The following CR2 variants were observed in gnomAD, a reference collection of about 807,000 sequenced individuals.
CR2 encodes complement receptor type 2.
CR2 carries 96 observed loss-of-function variants against 123.0 expected under a neutral mutation model. That is an observed-to-expected ratio of 0.78 (90% CI 0.66 to 0.93). The LOEUF is 0.93. Among genes scored for constraint, CR2 ranks in the 40% least tolerant of loss-of-function variants. The probability of loss-of-function intolerance (pLI) is 0.00; values close to 1 mark genes in which losing one functional copy is unlikely to be tolerated. For missense variants in CR2, 1,258 were observed against 1,361.0 expected (o/e 0.92, Z 1.19); for synonymous variants, 484 against 469.5 (o/e 1.03, Z -0.40).
chr1:207,456,169 G>A (rs311303), intron 1 of CR2, among the ~76,000 whole-genome samples: 99,602 of 151,968 alleles, frequency 0.66, 33,687 homozygotes, highest in East Asian at 0.89. Context: ...TTTGGAATGG[G>A]ATCTCACCGA....
chr1:207,479,512 T>C (rs1349722381), intron 17 of CR2, among the ~76,000 whole-genome samples: 2 of 152,254 alleles, frequency 1.3e-5, no homozygotes, highest in Admixed American at 1.3e-4. Context: ...ATTGATATTT[T>C]AGTTTTTATT....
chr1:207,488,101 A>G (rs61821134), intron 19 of CR2, among the ~76,000 whole-genome samples: 9,447 of 152,280 alleles, frequency 0.062, 357 homozygotes, highest in Non-Finnish European at 0.092. Context: ...GAAAGTGGGG[A>G]TGAACATTTG....
chr1:207,462,477 T>TA (rs1300647165), intron 1 of CR2, among the ~76,000 whole-genome samples: 2 of 152,214 alleles, frequency 1.3e-5, no homozygotes, highest in South Asian at 2.1e-4. Context: ...AGCTTACTTG[T>TA]AAAAAAATAT....
intron 1 of CR2, among the ~76,000 whole-genome samples, chr1:207,466,104 T>A (rs1409599174): frequency 1.3e-5 from 2 of 152,192 alleles, no homozygotes; most frequent in Admixed American, 6.5e-5. Context: ...AGAGTAAGAC[T>A]TGCCTGAGGT....
chr1:207,466,824 A>G lies in CR2; in HGVS notation c.357A>G (p.Lys119=), dbSNP rs769241648. The change falls in exon 2 of 20, where the codon AAA becomes AAG. Residue 119 remains lysine, a synonymous_variant. Transcript: ENST00000367057. Reference sequence around the variant, plus strand: ...GTGATTCTGTGACATTTGCCTGTAAAACCAACTTCTCCATGAACGGAAACA... The same window carrying G: ...GTGATTCTGTGACATTTGCCTGTAAGACCAACTTCTCCATGAACGGAAACA... The part of the protein sequence containing the change: ...RHGDSVTFAC[K]TNFSMNGNKS... 37 of 1,613,472 alleles carry G rather than the reference A, an allele frequency of 2.3e-5. No individual in the cohort carries two copies. The highest frequency in any genetic ancestry group is 3.1e-5 in the Non-Finnish European group (37 of 1,179,830).
At chr1:207,458,077 C>CATACACACACACACAT (rs1553278532) in intron 1 of CR2, among the ~76,000 whole-genome samples, 1 of 150,078 alleles carries the variant, frequency 6.7e-6, no homozygotes, top group African/African-American at 2.5e-5. Context: ...CACACACACA[C>CATACACACACACACAT]ACACACACAC....
At chr1:207,469,024 G>A in intron 4 of CR2, 125 bp downstream of exon 4, 2 of 1,356,534 alleles carry the variant, frequency 1.5e-6, no homozygotes, top group Non-Finnish European at 2.1e-6. Context: ...GGTTGTGAGA[G>A]GTAATGCTGA....
intron 1 of CR2, among the ~76,000 whole-genome samples, chr1:207,459,695 A>C (rs1657921744): frequency 6.6e-6 from 1 of 152,202 alleles, no homozygotes; most frequent in Non-Finnish European, 1.5e-5. Context: ...TCTTCAATCC[A>C]GTCATGATCT....
chr1:207,473,763 C>T, intron 11 of CR2, 38 bp from the exon 12 acceptor site: 1 of 1,613,616 alleles, frequency 6.2e-7, no homozygotes. Flanking sequence ...TGATATGAGA[C>T]ATCTATAAAT....
intron 1 of CR2, among the ~76,000 whole-genome samples, chr1:207,460,235 A>G (rs1657933352): frequency 6.6e-6 from 1 of 152,216 alleles, no homozygotes; most frequent in African/African-American, 2.4e-5. Flanking sequence ...GCTATTTTGC[A>G]CAGAGTAAGC....
At chr1:207,464,330 G>A (rs998440127) in intron 1 of CR2, among the ~76,000 whole-genome samples, 2 of 152,162 alleles carry the variant, frequency 1.3e-5, no homozygotes, top group South Asian at 4.1e-4. Context: ...AGAATGAAGA[G>A]AAAATTCTCA....
In CR2 at chr1:207,489,143, G is replaced by A. The variant is rs1049428566; in HGVS notation, c.*20G>A. The A allele has an allele frequency of 2.0e-5, 3 of 152,266 alleles. No individual in the cohort carries two copies. Among genetic ancestry groups the A allele is most frequent in the Admixed American group, 6.5e-5 (1 of 15,284 alleles). The allele number at this position is 152,266 out of a possible 1,614,324, so 9.4% of individuals were successfully genotyped here. A position where few individuals can be genotyped will look rare whatever the true frequency, so the allele number is the denominator to read the frequency against. ...CTAAACAGAAATGATCTATTTCAGT[G>A]TGCCTCATTGCTTGGAATTCAGCGG... On this transcript the variant is annotated splice_region_variant and 3_prime_UTR_variant, in exon 20 of 20. Coordinates refer to ENST00000367057, the MANE Select transcript of CR2 (RefSeq NM_001006658.3).
Position 207,479,961 on chromosome 1 carries a change from C to T in CR2, c.3113-17C>T. 6.2e-7 allele frequency: 1 copy of T among 1,600,016 alleles called. No individual in the cohort carries two copies. The highest frequency in any genetic ancestry group is 1.1e-5 in the South Asian group (1 of 90,778). ...ATCGTCTTCTGGCATTTGATACTTG[C>T]TGGATTTTTCTTCTAGGTATTGCTG... On this transcript the variant is annotated splice_polypyrimidine_tract_variant and intron_variant, in intron 17 of 19. Transcript: ENST00000367057.
Position 207,469,228 on chromosome 1 carries a change from T to C in CR2, c.813T>C (p.Cys271=). 6.2e-7 allele frequency: 1 copy of C among 1,613,412 alleles called. No homozygotes were observed. Among genetic ancestry groups the C allele is most frequent in the Admixed American group, 1.7e-5 (1 of 59,992 alleles). ...QGVAWTKMPV[C]EEIFCPSPPP... Reference sequence around the variant, plus strand: ...TTGCTTGGACCAAAATGCCAGTATGTGAAGGTAGGCTAGGCAACTATGGTC... The same window carrying C: ...TTGCTTGGACCAAAATGCCAGTATGCGAAGGTAGGCTAGGCAACTATGGTC... Residue 271 remains cysteine (C), a synonymous_variant, in exon 5 of 20, where the codon TGT becomes TGC. Coordinates refer to ENST00000367057, the MANE Select transcript of CR2 (RefSeq NM_001006658.3).
chr1:207,469,273 G>T (rs752482252), intron 5 of CR2, 41 bp downstream of exon 5: 54 of 1,494,874 alleles, frequency 3.6e-5, no homozygotes, highest in Admixed American at 8.4e-5. Flanking sequence ...TGCATTCTCA[G>T]CTTAACTAAA....
chr1:207,488,285 C>T (rs2102317301), intron 19 of CR2, among the ~76,000 whole-genome samples: 1 of 152,300 alleles, frequency 6.6e-6, no homozygotes, highest in African/African-American at 2.4e-5. Flanking sequence ...AGGTGGAATG[C>T]AAGCTCATGC....
chr1:207,479,183 C>T lies in CR2; in HGVS notation c.3089-74C>T, dbSNP rs994374643. 1.7e-5 allele frequency: 20 copies of T among 1,168,850 alleles called. No homozygotes were observed. The Middle Eastern group carries it at 5.8e-4, about 34-fold the overall frequency. 72.4% of individuals were successfully genotyped at this position (1,168,850 alleles called of 1,614,324 possible). On this transcript the variant is annotated intron_variant, in intron 16 of 19. Coordinates refer to ENST00000367057, the MANE Select transcript of CR2 (RefSeq NM_001006658.3). ...TAGAGTGTTGATTTCTGGGACATTA[C>T]CATGAAACGTGGGGCTACATTGAAT...
intron 1 of CR2, among the ~76,000 whole-genome samples, chr1:207,461,181 A>G (rs2102296878): frequency 6.6e-6 from 1 of 152,090 alleles, no homozygotes; most frequent in Middle Eastern, 3.4e-3. Flanking sequence ...CGCTCCCCCT[A>G]CCACCCTTAT....
chr1:207,474,241 G>T lies in CR2; in HGVS notation c.2241G>T (p.Gly747=), dbSNP rs375788363. The change falls in exon 13 of 20, where the codon GGG becomes GGT. Residue 747 remains glycine, a splice_region_variant and synonymous_variant. Coordinates refer to ENST00000367057, the MANE Select transcript of CR2 (RefSeq NM_001006658.3). ...TGCATTATAATCTGTCTCTCTGTAGGTACCAGTTGACTGGACATGCTTATC... is the reference window on the plus strand; with the variant it reads ...TGCATTATAATCTGTCTCTCTGTAGTTACCAGTTGACTGGACATGCTTATC... The part of the protein sequence containing the change: ...VELVNTSCQD[G]YQLTGHAYQM... The T allele has an allele frequency of 2.5e-6, 4 of 1,609,346 alleles. No individual in the cohort carries two copies. Among genetic ancestry groups the T allele is most frequent in the Non-Finnish European group, 3.4e-6 (4 of 1,175,784 alleles).
Sources: gnomAD v4.1 joint callset for allele counts (sites outside exome capture counted in the v4.1 genomes callset) on GRCh38, gnomAD v4.1.1 for gene constraint, MANE v1.5 for transcripts, NCBI Gene and HGNC (gene_info 2026-07-23, HGNC 2026-07-21) for gene names.